The following RERE variants were observed in gnomAD, a reference collection of about 807,000 sequenced individuals.
RERE encodes the protein arginine-glutamic acid dipeptide repeats, also known as arginine-glutamic acid dipeptide repeats protein.
RERE carries 40 observed loss-of-function variants against 146.1 expected under a neutral mutation model. The observed-to-expected ratio is 0.27, with a 90% CI of 0.21 to 0.36. The LOEUF (loss-of-function observed/expected upper bound fraction) is 0.36. Ranked by LOEUF, RERE falls within the 10% of genes least tolerant of loss-of-function variation. The pLI, the probability that RERE is intolerant of heterozygous loss-of-function variation, is 1.00. For missense variants in RERE, 1,933 were observed against 2,138.7 expected (o/e 0.90, Z 1.90); for synonymous variants, 1,003 against 866.0 (o/e 1.16, Z -2.78).
chr1:8,399,208 A>G (rs1035728026), intron 12 of RERE, among the ~76,000 whole-genome samples: 1 of 151,712 alleles, frequency 6.6e-6, no homozygotes, highest in Non-Finnish European at 1.5e-5. Flanking sequence ...TAAAACACAG[A>G]CTTTTTAAGT....
At chr1:8,746,027 T>C (rs2124509584) in intron 1 of RERE, among the ~76,000 whole-genome samples, 1 of 152,388 alleles carries the variant, frequency 6.6e-6, no homozygotes, top group East Asian at 1.9e-4. Flanking sequence ...ATCCTGCCAC[T>C]GCACTGCAGC....
At chr1:8,641,833 T>G (rs1218199444) in intron 2 of RERE, among the ~76,000 whole-genome samples, 1 of 152,190 alleles carries the variant, frequency 6.6e-6, no homozygotes, top group African/African-American at 2.4e-5. Flanking sequence ...CATTCAGAAT[T>G]AGATCACGTG....
chr1:8,629,450 G>C (rs943411434), intron 2 of RERE, among the ~76,000 whole-genome samples: 12 of 152,184 alleles, frequency 7.9e-5, no homozygotes, highest in African/African-American at 2.2e-4. Context: ...TTGCTAAGCT[G>C]GGGAAGGAAG....
At chr1:8,728,949 C>T (rs1640026456) in intron 1 of RERE, among the ~76,000 whole-genome samples, 1 of 152,058 alleles carries the variant, frequency 6.6e-6, no homozygotes, top group South Asian at 2.1e-4. Flanking sequence ...GGTGATCATC[C>T]GAGGTCGGGA....
chr1:8,392,353 T>A (rs964036616), intron 12 of RERE, among the ~76,000 whole-genome samples: 1 of 152,200 alleles, frequency 6.6e-6, no homozygotes, highest in Non-Finnish European at 1.5e-5. Context: ...AATCCTTTTT[T>A]AAAAAAATCC....
At chr1:8,811,356 T>C (rs1390511521) in intron 1 of RERE, among the ~76,000 whole-genome samples, 1 of 152,104 alleles carries the variant, frequency 6.6e-6, no homozygotes, top group Non-Finnish European at 1.5e-5. Context: ...CCTGTAATCC[T>C]AGGACTTTGG....
intron 1 of RERE, among the ~76,000 whole-genome samples, chr1:8,731,835 C>T (rs12093157): frequency 0.26 from 39,468 of 151,874 alleles, 6,324 homozygotes; most frequent in East Asian, 0.77. Flanking sequence ...AAGAGTCTTG[C>T]GCTGTCACCC....
chr1:8,486,561 A>C (rs1199214386), intron 10 of RERE, among the ~76,000 whole-genome samples: 1 of 152,090 alleles, frequency 6.6e-6, no homozygotes, highest in Non-Finnish European at 1.5e-5. Context: ...CCACTTTAGA[A>C]AGCTAGGAGG....
At chr1:8,405,071 A>C (rs1440390323) in intron 12 of RERE, among the ~76,000 whole-genome samples, 1 of 152,210 alleles carries the variant, frequency 6.6e-6, no homozygotes, top group Non-Finnish European at 1.5e-5. Flanking sequence ...GAAGTATCAT[A>C]AAGTTTTCGA....
At chr1:8,487,157 A>G (rs963007003) in intron 10 of RERE, among the ~76,000 whole-genome samples, 7 of 152,360 alleles carry the variant, frequency 4.6e-5, no homozygotes, top group African/African-American at 1.4e-4. Context: ...TTAACAAAAT[A>G]AAGAATAACA....
At chr1:8,500,858 C>CG (rs1645127781) in intron 8 of RERE, among the ~76,000 whole-genome samples, 1 of 147,456 alleles carries the variant, frequency 6.8e-6, no homozygotes, top group Non-Finnish European at 1.5e-5. Flanking sequence ...TCTGCTGGGC[C>CG]GCAACCCTGT....
At chr1:8,552,649 A>G (rs1645949850) in intron 6 of RERE, among the ~76,000 whole-genome samples, 1 of 152,182 alleles carries the variant, frequency 6.6e-6, no homozygotes, top group African/African-American at 2.4e-5. Flanking sequence ...CACCCCAAAC[A>G]TTTTTTAAGC....
intron 11 of RERE, among the ~76,000 whole-genome samples, chr1:8,431,333 G>A (rs528661309): frequency 6.6e-6 from 1 of 152,344 alleles, no homozygotes; most frequent in South Asian, 2.1e-4. Context: ...AACTGCGCAT[G>A]TGAGGGATCT....
rs1396410020 is a variant in RERE, at chr1:8,564,856, GTGTGTGTGTGTGTGTA to G, written c.523-7349_523-7334del. The stretch of plus-strand genomic sequence containing the variant: ...TATGTGTGTGTGTGTGTGTGTGTGT[GTGTGTGTGTGTGTGTA>G]TATATATATATAAAACTACTATTCA... On this transcript the variant is annotated intron_variant, in intron 4 of 22. Transcript: ENST00000400908. Among the ~76,000 whole-genome samples the G allele has an allele frequency of 3.0e-3, 429 of 145,398 alleles. 4 individuals carry two copies. Among genetic ancestry groups the G allele is most frequent in the African/African-American group, 0.011 (404 of 38,338 alleles).
intron 20 of RERE, 60 bp downstream of exon 20, chr1:8,358,136 T>TC: frequency 6.5e-7 from 1 of 1,530,974 alleles, no homozygotes; most frequent in East Asian, 2.3e-5. Flanking sequence ...TGACTGTCAC[T>TC]CATCAGGCTC....
intron 1 of RERE, among the ~76,000 whole-genome samples, chr1:8,773,355 G>T (rs1402304307): frequency 6.6e-6 from 1 of 152,126 alleles, no homozygotes; most frequent in Non-Finnish European, 1.5e-5. Flanking sequence ...ATAACCAGAT[G>T]ATATGTCTTC....
At chr1:8,405,433 T>C (rs1378813397) in intron 12 of RERE, among the ~76,000 whole-genome samples, 1 of 152,132 alleles carries the variant, frequency 6.6e-6, no homozygotes, top group Non-Finnish European at 1.5e-5. Flanking sequence ...CCATCAAAAA[T>C]GACTCCATAG....
intron 1 of RERE, among the ~76,000 whole-genome samples, chr1:8,740,518 G>A (rs1640286675): frequency 6.6e-6 from 1 of 152,128 alleles, no homozygotes; most frequent in Non-Finnish European, 1.5e-5. Context: ...TTAGTTTACT[G>A]TAACTTTTTT....
chr1:8,579,758 C>T lies in RERE; in HGVS notation c.523-22235G>A, dbSNP rs58305921. Among the ~76,000 whole-genome samples the T allele has an allele frequency of 8.8e-3, 1,344 of 152,344 alleles. 17 individuals are homozygous for T. The highest frequency in any genetic ancestry group is 0.031 in the African/African-American group (1,287 of 41,578). ...GTGGCTCACGCCTGTAATCCCAACA[C>T]TCTGGGAGGCCAAGGCAGGTGGCTC... On this transcript the variant is annotated intron_variant, in intron 4 of 22. Coordinates refer to ENST00000400908, the MANE Select transcript of RERE (RefSeq NM_001042681.2).
Sources: allele counts gnomAD v4.1 joint callset (sites outside exome capture counted in the v4.1 genomes callset), GRCh38; gene constraint gnomAD v4.1.1; transcripts MANE v1.5; gene names NCBI Gene and HGNC (gene_info 2026-07-23, HGNC 2026-07-21).